The following MFAP2 variants were observed in gnomAD, a reference collection of about 807,000 sequenced individuals.
MFAP2 encodes the protein microfibrillar-associated protein 2.
MFAP2 carries 23 observed loss-of-function variants against 30.6 expected under a neutral mutation model. That is an observed-to-expected ratio of 0.75 (90% confidence interval 0.54 to 1.07). The LOEUF is 1.07. Ranked by LOEUF, MFAP2 falls within the 50% of genes least tolerant of loss-of-function variation. The pLI is 0.00. For missense variants in MFAP2, 198 were observed against 223.8 expected, an observed-to-expected ratio of 0.88 and a Z score of 0.74; for synonymous variants, 73 against 85.7, an observed-to-expected ratio of 0.85 and a Z score of 0.82.
chr1:16,978,656 C>T (rs1044010849), intron 1 of MFAP2, among the ~76,000 whole-genome samples: 1 of 152,206 alleles, frequency 6.6e-6, no homozygotes, highest in African/African-American at 2.4e-5. Context: ...CACCCACACC[C>T]GTGCTCAGCC....
At chr1:16,980,685 C>T, upstream of MFAP2, 1 of 152,264 alleles carries the variant, frequency 6.6e-6, no homozygotes, top group African/African-American at 2.4e-5. Context: ...GGGCTGGCGC[C>T]CGCCCTCCAG....
chr1:16,977,014 A>AC, intron 3 of MFAP2, 91 bp from the exon 4 acceptor site: 1 of 1,611,972 alleles, frequency 6.2e-7, no homozygotes, highest in Non-Finnish European at 8.5e-7. Context: ...CCAGGGACCA[A>AC]CCCCCAGAGT....
Position 16,976,435 on chromosome 1 carries a change from C to G in MFAP2, c.286+66G>C. 6.2e-7 allele frequency: 1 copy of G among 1,602,010 alleles called. No individual in the cohort carries two copies. Among genetic ancestry groups the G allele is most frequent in the Non-Finnish European group, 8.6e-7 (1 of 1,169,020 alleles). On this transcript the variant is annotated intron_variant, in intron 6 of 8. Transcript: ENST00000375535. This position sits in a 1 kb window ranked among gnomAD's most constrained non-coding sequence, Gnocchi z 5.5. ...CCAAAGACCTCCAGCCCACCAGCACCACCCCCTACTCCACCCCAACTTCAG... is the reference window on the plus strand; with the variant it reads ...CCAAAGACCTCCAGCCCACCAGCACGACCCCCTACTCCACCCCAACTTCAG...
chr1:16,977,530 T>C (rs75714042), intron 2 of MFAP2: 2,691 of 264,470 alleles, frequency 0.01, 68 homozygotes, highest in African/African-American at 0.056. Flanking sequence ...AGGTCTTCCC[T>C]GGAATTTCAG....
At chr1:16,978,382 C>G in intron 1 of MFAP2, 68 bp from the exon 2 acceptor site, 3 of 1,333,498 alleles carry the variant, frequency 2.2e-6, no homozygotes, top group Non-Finnish European at 3.1e-6. Flanking sequence ...CACCTTTGAT[C>G]CCCTGATTTC....
At chr1:16,980,267 A>ACACCCCCCCCCC (rs1557656639) in intron 1 of MFAP2, among the ~76,000 whole-genome samples, 4 of 80,294 alleles carry the variant, frequency 5.0e-5, no homozygotes, top group Non-Finnish European at 9.0e-5. Flanking sequence ...TTCCCACCGG[A>ACACCCCCCCCCC]CCCCCCCCCC....
Position 16,978,048 on chromosome 1 carries a change from G to A in MFAP2, c.37+189C>T, listed in dbSNP as rs1021806322. 7 of 580,112 alleles carry A rather than the reference G, an allele frequency of 1.2e-5. No individual in the cohort carries two copies. In the South Asian group the frequency reaches 1.3e-4, roughly 11 times the overall value. The allele number at this position is 580,112 out of a possible 1,614,324, so 35.9% of individuals were successfully genotyped here. A position where few individuals can be genotyped will look rare whatever the true frequency, so the allele number is the denominator to read the frequency against. ...TGTGGAAGGCTGGGGGAAGGGCCAGGAGCTGCCTCCAGATGCTGCCAGGGT... is the reference window on the plus strand; with the variant it reads ...TGTGGAAGGCTGGGGGAAGGGCCAGAAGCTGCCTCCAGATGCTGCCAGGGT... On this transcript the variant is annotated intron_variant, in intron 2 of 8. Coordinates refer to ENST00000375535, the MANE Select transcript of MFAP2 (RefSeq NM_002403.4).
At position 16,976,313 on chromosome 1, in the gene MFAP2, G is replaced by A. The variant is rs538627485; in HGVS notation, c.286+188C>T. On this transcript the variant is annotated intron_variant, in intron 6 of 8. Transcript: ENST00000375535. The surrounding 1 kb of genome is among the most constrained non-coding windows in gnomAD (Gnocchi z 5.5). ...TTAGCCTCCAGCCAGGCACACTGGG[G>A]ACAGGTGGGACCTCCTGGAGCTGCC... 2 of 695,356 alleles carry A rather than the reference G, an allele frequency of 2.9e-6. No individual in the cohort carries two copies. The highest frequency in any genetic ancestry group is 5.0e-5 in the Admixed American group (2 of 40,274). 43.1% of individuals were successfully genotyped at this position (695,356 alleles called of 1,614,324 possible).
chr1:16,976,836 C>A lies in MFAP2; in HGVS notation c.155-42G>T, dbSNP rs1271615555. 1.2e-6 allele frequency: 2 copies of A among 1,614,046 alleles called. No individual in the cohort carries two copies. The highest frequency in any genetic ancestry group is 8.5e-7 in the Non-Finnish European group (1 of 1,179,976). On this transcript the variant is annotated intron_variant, in intron 4 of 8. Transcript: ENST00000375535. This position sits in a 1 kb window ranked among gnomAD's most constrained non-coding sequence, Gnocchi z 5.5. ...ATAAGGGGGTCTGCTCCCTCTACCC[C>A]TCCCAGGGGGTCTCCCCACCCCAGC...
intron 2 of MFAP2, 69 bp from the exon 3 acceptor site, chr1:16,977,267 G>C: frequency 6.7e-7 from 1 of 1,493,202 alleles, no homozygotes; most frequent in Non-Finnish European, 9.1e-7. Flanking sequence ...CGCTTCTGGA[G>C]AGTGGAGGCG....
chr1:16,978,780 C>G (rs779306234), intron 1 of MFAP2: 6 of 154,790 alleles, frequency 3.9e-5, no homozygotes, highest in African/African-American at 7.2e-5. Flanking sequence ...CTGGACTCAG[C>G]AGCTTCTGCC....
At chr1:16,977,413 C>G (rs2076602519) in intron 2 of MFAP2, 1 of 560,172 alleles carries the variant, frequency 1.8e-6, no homozygotes, top group African/African-American at 1.9e-5. Context: ...CCTGCCCCTT[C>G]CTGTTGCTGG....
At chr1:16,977,040 C>T in intron 3 of MFAP2, 69 bp downstream of exon 3, 1 of 1,612,120 alleles carries the variant, frequency 6.2e-7, no homozygotes, top group Non-Finnish European at 8.5e-7. Flanking sequence ...TCAGCGTGTC[C>T]AGTGCGGTCC....
At position 16,975,808 on chromosome 1, in the gene MFAP2, A is replaced by C. The variant is rs2076586119; in HGVS notation, c.287-78T>G. 7.9e-7 allele frequency: 1 copy of C among 1,270,180 alleles called. No homozygotes were observed. The highest frequency in any genetic ancestry group is 1.1e-6 in the Non-Finnish European group (1 of 886,728). The allele number at this position is 1,270,180 out of a possible 1,614,324, so 78.7% of individuals were successfully genotyped here. A position where few individuals can be genotyped will look rare whatever the true frequency, so the allele number is the denominator to read the frequency against. On this transcript the variant is annotated intron_variant, in intron 6 of 8. Coordinates refer to ENST00000375535, the MANE Select transcript of MFAP2 (RefSeq NM_002403.4). This position sits in a 1 kb window ranked among gnomAD's most constrained non-coding sequence, Gnocchi z 5.0. ...CCTCACCCACCTGAGGCTGGCTCAC[A>C]GGGCCTAGTCCCCCCTGTACCTTCA...
chr1:16,979,655 C>T (rs1401451354), intron 1 of MFAP2, among the ~76,000 whole-genome samples: 1 of 152,222 alleles, frequency 6.6e-6, no homozygotes, highest in Non-Finnish European at 1.5e-5. Context: ...AGAGAGCCTT[C>T]CTTGCCCTTC....
rs563173426 is a variant in MFAP2, at chr1:16,975,027, T to C, written c.449-4A>G. On this transcript the variant is annotated splice_polypyrimidine_tract_variant and splice_region_variant and intron_variant, in intron 8 of 8. Transcript: ENST00000375535. This position sits in a 1 kb window ranked among gnomAD's most constrained non-coding sequence, Gnocchi z 5.0. Reference sequence around the variant, plus strand: ...AACTTGTCCCGACAGAGGTCAGCTATTGGGGGCAGGAAGGAGGCAGGGTCA... The same window carrying C: ...AACTTGTCCCGACAGAGGTCAGCTACTGGGGGCAGGAAGGAGGCAGGGTCA... 105 of 781,540 alleles carry C rather than the reference T, an allele frequency of 1.3e-4. No individual in the cohort carries two copies. The highest frequency in any genetic ancestry group is 4.8e-4 in the South Asian group (31 of 64,112). The allele number at this position is 781,540 out of a possible 1,614,324, so 48.4% of individuals were successfully genotyped here.
chr1:16,980,640 T>C (rs1488593996), upstream of MFAP2: 1 of 151,968 alleles, frequency 6.6e-6, no homozygotes, highest in Non-Finnish European at 1.5e-5. Flanking sequence ...AGCCGCCCCT[T>C]GGCCCGCTCC....
At position 16,975,197 on chromosome 1, in the gene MFAP2, T is replaced by A; in HGVS notation, c.448+72A>T. On this transcript the variant is annotated intron_variant, in intron 8 of 8. Transcript: ENST00000375535. This position sits in a 1 kb window ranked among gnomAD's most constrained non-coding sequence, Gnocchi z 5.0. The stretch of plus-strand genomic sequence containing the variant: ...TAATATGTGTTGAATAAACATCAGG[T>A]GGGTGGCTAGGTGGCCAGATAATGA... The A allele has an allele frequency of 1.4e-6, 2 of 1,436,010 alleles. No individual in the cohort carries two copies. Among genetic ancestry groups the A allele is most frequent in the Middle Eastern group, 1.8e-4 (1 of 5,632 alleles). 89.0% of individuals were successfully genotyped at this position (1,436,010 alleles called of 1,614,324 possible).
rs1426378522 is a variant in MFAP2 at position 16,976,542 on chromosome 1, G to C, written c.245C>G (p.Pro82Arg). The C allele has an allele frequency of 6.2e-7, 1 of 1,614,100 alleles. No individual in the cohort carries two copies. The highest frequency in any genetic ancestry group is 1.7e-5 in the Admixed American group (1 of 60,012). Residue 82 changes from proline (P) to arginine (R), a missense_variant, in exon 6 of 9, where the codon CCA becomes CGA. Coordinates refer to ENST00000375535, the MANE Select transcript of MFAP2 (RefSeq NM_002403.4). This position sits in a 1 kb window ranked among gnomAD's most constrained non-coding sequence, Gnocchi z 5.5. ...TGTGGGCTCCAGCTCTGCATTTCCT[G>C]GTTCTGGTGTGGAGACAGAGGTAGG... is the stretch of plus-strand genomic sequence containing the variant. Reference protein sequence around the residue: ...QEVIPAPTPEPGNAELEPTEP... With the variant: ...QEVIPAPTPERGNAELEPTEP...
Sources: gnomAD v4.1 joint callset for allele counts (sites outside exome capture counted in the v4.1 genomes callset) on GRCh38, gnomAD v4.1.1 for gene constraint, Gnocchi (gnomAD v3.1) non-coding constraint, MANE v1.5 for transcripts, NCBI Gene and HGNC (gene_info 2026-07-23, HGNC 2026-07-21) for gene names.